The following SINHCAF variants were observed in gnomAD, a reference collection of about 807,000 sequenced individuals.
SINHCAF encodes the protein SIN3-HDAC complex-associated factor.
Under a neutral mutation model 25.8 loss-of-function variants are expected in SINHCAF, and 3 were observed. The ratio of observed to expected loss-of-function variants is 0.12; its 90% CI spans 0.05 to 0.30. SINHCAF has a LOEUF of 0.30. SINHCAF is among the 10% of genes least tolerant of loss of function. The pLI is 1.00. For missense variants in SINHCAF, 121 were observed against 262.3 expected (o/e 0.46, Z 3.72); for synonymous variants, 70 against 85.5 (o/e 0.82, Z 1.00).
chr12:31,299,321 T>C (rs202163617), intron 1 of SINHCAF, among the ~76,000 whole-genome samples: 1 of 139,170 alleles, frequency 7.2e-6, no homozygotes, highest in Non-Finnish European at 1.5e-5. Flanking sequence ...AAGAAAAAAA[T>C]TTTTTTTTTT....
rs1190885248 is a variant in SINHCAF at position 31,325,084 on chromosome 12, A to G, written c.-21+940T>C. On this transcript the variant is annotated intron_variant, in intron 1 of 5. Coordinates refer to ENST00000337682, the MANE Select transcript of SINHCAF (RefSeq NM_001135812.2). This position sits in a 1 kb window ranked among gnomAD's most constrained non-coding sequence, Gnocchi z 5.9. ...CAAAAAGCAGTGCCCTGCGGAGTTCACTGACTCCCGCGGCGTACACAACGC... is the reference window on the plus strand; with the variant it reads ...CAAAAAGCAGTGCCCTGCGGAGTTCGCTGACTCCCGCGGCGTACACAACGC... 2.2e-6 allele frequency: 1 copy of G among 456,602 alleles called. No homozygotes were observed. The highest frequency in any genetic ancestry group is 4.4e-6 in the Non-Finnish European group (1 of 226,968). The allele number at this position is 456,602 out of a possible 1,614,324, so 28.3% of individuals were successfully genotyped here.
rs151047218 is a variant in SINHCAF at position 31,300,532 on chromosome 12, G to C, written c.-20-2308C>G. On this transcript the variant is annotated intron_variant, in intron 1 of 5. Transcript: ENST00000337682. Reference sequence around the variant, plus strand: ...AAAATGAGGAAGTACCCTCTACACAGTCATAAGAAAAGATCTAGAGAGGCC... The same window carrying C: ...AAAATGAGGAAGTACCCTCTACACACTCATAAGAAAAGATCTAGAGAGGCC... Among the ~76,000 whole-genome samples the C allele has an allele frequency of 2.8e-3, 425 of 152,250 alleles. 2 individuals carry two copies. Among genetic ancestry groups the C allele is most frequent in the East Asian group, 0.016 (81 of 5,184 alleles).
intron 5 of SINHCAF, among the ~76,000 whole-genome samples, chr12:31,285,488 T>C (rs1938019156): frequency 6.6e-6 from 1 of 151,348 alleles, no homozygotes; most frequent in African/African-American, 2.4e-5. Flanking sequence ...ATTGTATGAT[T>C]TTTACATAAC....
At chr12:31,297,466 AAT>A (rs1491249786) in intron 2 of SINHCAF, among the ~76,000 whole-genome samples, 1 of 138,006 alleles carries the variant, frequency 7.2e-6, no homozygotes, top group Admixed American at 7.1e-5. Flanking sequence ...GGTCAAGCGT[AAT>A]TTTTTTTTTT....
intron 3 of SINHCAF, among the ~76,000 whole-genome samples, chr12:31,294,671 A>G (rs889130807): frequency 2.0e-5 from 3 of 152,224 alleles, no homozygotes; most frequent in African/African-American, 7.2e-5. Flanking sequence ...CTATTATAAT[A>G]ACATAACACT....
chr12:31,301,617 G>C (rs1315138121), intron 1 of SINHCAF, among the ~76,000 whole-genome samples: 1 of 152,024 alleles, frequency 6.6e-6, no homozygotes, highest in Non-Finnish European at 1.5e-5. Flanking sequence ...AATACACAGG[G>C]GTTTCATTTC....
intron 4 of SINHCAF, 104 bp downstream of exon 4, chr12:31,293,701 T>C (rs1418980590): frequency 2.9e-6 from 3 of 1,019,548 alleles, no homozygotes; most frequent in Non-Finnish European, 4.1e-6. Context: ...GTGCTCTTTA[T>C]AAAAAGCAAT....
intron 1 of SINHCAF, among the ~76,000 whole-genome samples, chr12:31,321,989 G>A (rs770722427): frequency 3.5e-5 from 5 of 144,078 alleles, no homozygotes; most frequent in Non-Finnish European, 7.4e-5. Context: ...AACCACTCTG[G>A]GGGAAAAAAA....
intron 1 of SINHCAF, among the ~76,000 whole-genome samples, chr12:31,306,344 T>G (rs1311536458): frequency 2.6e-5 from 4 of 152,206 alleles, no homozygotes; most frequent in Non-Finnish European, 2.9e-5. Flanking sequence ...TGTGCCATGA[T>G]GACAGTCTCC....
In SINHCAF at chr12:31,311,942, T is replaced by C. The variant is rs1939286464; in HGVS notation, c.-20-13718A>G. On this transcript the variant is annotated intron_variant, in intron 1 of 5. Transcript: ENST00000337682. ...ATCTTTTCAAGAATGTGTGGCCTTT[T>C]GATTGGTCCTGGGTGCCCCTGATAC... The C allele has an allele frequency of 6.6e-6, 4 of 603,860 alleles. No homozygotes were observed. In the Admixed American group the frequency reaches 7.9e-5, roughly 12 times the overall value. 37.4% of individuals were successfully genotyped at this position (603,860 alleles called of 1,614,324 possible).
intron 1 of SINHCAF, among the ~76,000 whole-genome samples, chr12:31,308,717 C>T (rs1279108614): frequency 6.6e-6 from 1 of 152,028 alleles, no homozygotes; most frequent in East Asian, 1.9e-4. Flanking sequence ...GCTGTATATC[C>T]CTGTGACATC....
At chr12:31,286,399 C>T (rs146251874) in intron 5 of SINHCAF, among the ~76,000 whole-genome samples, 5 of 152,212 alleles carry the variant, frequency 3.3e-5, no homozygotes, top group Admixed American at 6.5e-5. Flanking sequence ...CGGTGGCTCA[C>T]GCCTATAATC....
chr12:31,302,340 T>C (rs184635995), intron 1 of SINHCAF, among the ~76,000 whole-genome samples: 2 of 152,136 alleles, frequency 1.3e-5, no homozygotes, highest in Admixed American at 1.3e-4. Context: ...TTATGGTATA[T>C]AAATGAGTGA....
chr12:31,307,960 AAAC>A (rs900578077), intron 1 of SINHCAF, among the ~76,000 whole-genome samples: 15 of 152,184 alleles, frequency 9.9e-5, no homozygotes, highest in South Asian at 6.2e-4. Context: ...TTTTAAAAAA[AAAC>A]AACAACAACA....
rs1332452437 is a variant in SINHCAF at position 31,280,819 on chromosome 12, AT to A, written c.*1892del. ...TACAGAAGTAGAGATGATCCATATTATAGTATATTCTACCACCAATACTGCA... is the reference window on the plus strand; with the variant it reads ...TACAGAAGTAGAGATGATCCATATTAAGTATATTCTACCACCAATACTGCA... On this transcript the variant is annotated 3_prime_UTR_variant, in exon 6 of 6. Coordinates refer to ENST00000337682, the MANE Select transcript of SINHCAF (RefSeq NM_001135812.2). 1.3e-5 allele frequency: 2 copies of A among 152,358 alleles called. No individual in the cohort carries two copies. The highest frequency in any genetic ancestry group is 2.9e-5 in the Non-Finnish European group (2 of 68,036). The allele number at this position is 152,358 out of a possible 1,614,324, so 9.4% of individuals were successfully genotyped here.
intron 1 of SINHCAF, chr12:31,304,938 A>G (rs1483151175): frequency 1.3e-5 from 2 of 152,224 alleles, no homozygotes; most frequent in Non-Finnish European, 2.9e-5. Flanking sequence ...ATAGTCCCCA[A>G]AGTAAATATA....
At chr12:31,313,025 CTCTTT>C (rs1237908713) in intron 1 of SINHCAF, among the ~76,000 whole-genome samples, 3 of 152,066 alleles carry the variant, frequency 2.0e-5, no homozygotes, top group East Asian at 1.9e-4. Context: ...GAAAAGATCA[CTCTTT>C]TCTTTTTTTT....
chr12:31,284,023 C>T (rs773365964), intron 5 of SINHCAF, among the ~76,000 whole-genome samples: 3 of 152,112 alleles, frequency 2.0e-5, no homozygotes, highest in Non-Finnish European at 4.4e-5. Flanking sequence ...TTTATCTACT[C>T]TTATTTTAAT....
chr12:31,293,807 T>C lies in SINHCAF; in HGVS notation c.353A>G (p.His118Arg). ...ISKLQKEFKR[H>R]NSDAHSTTSS... ...TAATGTTGTAATATCAAACTTACTA[T>C]GACGTTTAAATTCCTTCTGCAGTTT... Residue 118 changes from histidine (H) to arginine (R), a missense_variant and splice_region_variant, in exon 4 of 6, where the codon CAT becomes CGT. Transcript: ENST00000337682. 6.3e-7 allele frequency: 1 copy of C among 1,597,392 alleles called. No individual in the cohort carries two copies. Among genetic ancestry groups the C allele is most frequent in the Non-Finnish European group, 8.5e-7 (1 of 1,175,974 alleles).
Sources: gnomAD v4.1 joint callset for allele counts (sites outside exome capture counted in the v4.1 genomes callset) on GRCh38, gnomAD v4.1.1 for gene constraint, Gnocchi (gnomAD v3.1) non-coding constraint, MANE v1.5 for transcripts, NCBI Gene and HGNC (gene_info 2026-07-23, HGNC 2026-07-21) for gene names.